The following TNFAIP8 variants were observed in gnomAD, a reference collection of about 807,000 sequenced individuals.
TNFAIP8 encodes TNF alpha induced protein 8.
A neutral mutation model predicts 13.3 loss-of-function variants in TNFAIP8; 7 were observed. That is an observed-to-expected ratio of 0.52 (90% CI 0.30 to 0.99). TNFAIP8 has a LOEUF of 0.99. Among genes scored for constraint, TNFAIP8 ranks in the 50% least tolerant of loss-of-function variants. The pLI is 0.07. For synonymous variants in TNFAIP8, 94 were observed against 87.6 expected (o/e 1.07, Z -0.41); for missense variants, 258 against 236.9 (o/e 1.09, Z -0.58).
chr5:119,356,033 C>T lies in TNFAIP8; in HGVS notation c.-58C>T, dbSNP rs1469547116. 22 of 1,541,298 alleles carry T rather than the reference C, an allele frequency of 1.4e-5. No individual in the cohort carries two copies. Among genetic ancestry groups the T allele is most frequent in the Non-Finnish European group, 1.9e-5 (22 of 1,139,634 alleles). ...CGGATTTCGCTGCAGAGCGAACTTG[C>T]GGCTCGTCCGAGTACATGTGAGCGG... On this transcript the variant is annotated 5_prime_UTR_variant, in exon 1 of 2. Coordinates refer to ENST00000504771, the MANE Select transcript of TNFAIP8 (RefSeq NM_014350.4).
intron 1 of TNFAIP8, among the ~76,000 whole-genome samples, chr5:119,358,114 T>C (rs1023036024): frequency 2.1e-5 from 3 of 146,032 alleles, no homozygotes; most frequent in Admixed American, 1.4e-4. Flanking sequence ...TTTTTTTTTT[T>C]CATCCTGGTG....
intron 1 of TNFAIP8, among the ~76,000 whole-genome samples, chr5:119,299,083 G>A (rs1056813383): frequency 6.6e-6 from 1 of 151,982 alleles, no homozygotes; most frequent in African/African-American, 2.4e-5. Flanking sequence ...GAGTTTGATG[G>A]TCTGAAGCTT....
At chr5:119,362,890 A>G (rs763356813) in intron 1 of TNFAIP8, among the ~76,000 whole-genome samples, 14 of 152,184 alleles carry the variant, frequency 9.2e-5, no homozygotes, top group Admixed American at 1.3e-4. Context: ...GGCAAGAACC[A>G]TGAGTTGGTC....
intron 1 of TNFAIP8, 64 bp downstream of exon 1, chr5:119,356,185 G>A: frequency 1.4e-6 from 2 of 1,447,246 alleles, no homozygotes; most frequent in South Asian, 1.2e-5. Flanking sequence ...GGAAGGCAGT[G>A]GTAGAAGAGG....
At chr5:119,357,560 A>G (rs1751478892) in intron 1 of TNFAIP8, among the ~76,000 whole-genome samples, 1 of 151,960 alleles carries the variant, frequency 6.6e-6, no homozygotes, top group Non-Finnish European at 1.5e-5. Context: ...AAGTGGAAAA[A>G]CAGTATCCCA....
intron 1 of TNFAIP8, among the ~76,000 whole-genome samples, chr5:119,311,455 G>A (rs1236312324): frequency 6.6e-6 from 1 of 151,060 alleles, no homozygotes; most frequent in Non-Finnish European, 1.5e-5. Flanking sequence ...ACTTTGGGAG[G>A]CCAAGGCAGG....
At chr5:119,350,979 T>TGTGTGTGTGTGTGTGTGTGTAG (rs762388884) in intron 1 of TNFAIP8, among the ~76,000 whole-genome samples, 11 of 132,438 alleles carry the variant, frequency 8.3e-5, no homozygotes, top group African/African-American at 3.1e-4. Flanking sequence ...TGTGTGTGTG[T>TGTGTGTGTGTGTGTGTGTGTAG]AGAGAGAGGG....
upstream of TNFAIP8, among the ~76,000 whole-genome samples, chr5:119,351,962 G>C (rs1405014596): frequency 3.3e-5 from 5 of 151,694 alleles, no homozygotes; most frequent in Non-Finnish European, 7.4e-5. Flanking sequence ...GTTAATTTTT[G>C]TATTTTTAGT....
At chr5:119,277,456 G>A (rs553021022) in intron 1 of TNFAIP8, among the ~76,000 whole-genome samples, 64 of 151,866 alleles carry the variant, frequency 4.2e-4, no homozygotes, top group African/African-American at 1.4e-3. Flanking sequence ...TATAGCTCAC[G>A]TCTACTGGCC....
intron 1 of TNFAIP8, among the ~76,000 whole-genome samples, chr5:119,325,510 C>CG (rs1400980647): frequency 6.6e-6 from 1 of 152,196 alleles, no homozygotes; most frequent in African/African-American, 2.4e-5. Context: ...TGTAGTGGTG[C>CG]GATCTCAGCT....
intron 1 of TNFAIP8, among the ~76,000 whole-genome samples, chr5:119,321,469 T>C (rs1052410209): frequency 6.6e-6 from 1 of 152,204 alleles, no homozygotes; most frequent in Non-Finnish European, 1.5e-5. Flanking sequence ...GTGATTATTC[T>C]GTTGTCTGTT....
intron 1 of TNFAIP8, among the ~76,000 whole-genome samples, chr5:119,275,595 T>C (rs1748417488): frequency 6.6e-6 from 1 of 152,154 alleles, no homozygotes; most frequent in South Asian, 2.1e-4. Context: ...TTTGTAATGG[T>C]AGAAAATGAG....
chr5:119,367,530 T>A (rs2112804181), intron 1 of TNFAIP8, among the ~76,000 whole-genome samples: 1 of 152,348 alleles, frequency 6.6e-6, no homozygotes, highest in African/African-American at 2.4e-5. Context: ...ATCCCTATCT[T>A]GTGAACTAGT....
chr5:119,325,899 G>T (rs1007039670), intron 1 of TNFAIP8, among the ~76,000 whole-genome samples: 7 of 152,290 alleles, frequency 4.6e-5, no homozygotes, highest in Middle Eastern at 6.8e-3. Flanking sequence ...TATTCCTGTG[G>T]CTTTCAGCAT....
intron 1 of TNFAIP8, among the ~76,000 whole-genome samples, chr5:119,286,437 C>T (rs187707716): frequency 2.3e-3 from 347 of 152,128 alleles, no homozygotes; most frequent in African/African-American, 7.9e-3. Context: ...CTGGCTAACA[C>T]GGTGAAACCC....
chr5:119,381,054 A>G (rs1752464595), intron 1 of TNFAIP8, among the ~76,000 whole-genome samples: 1 of 152,292 alleles, frequency 6.6e-6, no homozygotes, highest in East Asian at 1.9e-4. Context: ...ACTTTACTAT[A>G]TATCAGAATC....
At position 119,336,827 on chromosome 5, in the gene TNFAIP8, A is replaced by G. The variant is rs189756510; in HGVS notation, c.2-55989A>G. ...TGTTATTTAAAATGAATTTGAAAAC[A>G]GGATTACTAGTTGAGGAGAGAATGT... On this transcript the variant is annotated intron_variant, in intron 1 of 1. Coordinates refer to the TNFAIP8 transcript ENST00000274456. 5.9e-5 allele frequency among the ~76,000 whole-genome samples: 9 copies of G among 152,376 alleles called. No homozygotes were observed. The East Asian group carries it at 9.6e-4, about 16-fold the overall frequency.
intron 1 of TNFAIP8, among the ~76,000 whole-genome samples, chr5:119,290,542 A>T (rs1581574236): frequency 6.6e-6 from 1 of 152,182 alleles, no homozygotes; most frequent in South Asian, 2.1e-4. Flanking sequence ...GAAGCCTCAG[A>T]TGTCTCCTAT....
At chr5:119,377,235 C>G (rs895255914) in intron 1 of TNFAIP8, among the ~76,000 whole-genome samples, 3 of 151,930 alleles carry the variant, frequency 2.0e-5, no homozygotes, top group African/African-American at 7.3e-5. Context: ...GACCCTGTCT[C>G]TATCAGAAAA....
Sources: gnomAD v4.1 joint callset for allele counts (sites outside exome capture counted in the v4.1 genomes callset) on GRCh38, gnomAD v4.1.1 for gene constraint, MANE v1.5 for transcripts, NCBI Gene and HGNC (gene_info 2026-07-23, HGNC 2026-07-21) for gene names.